Variants in MYH14 observed in about 807,000 individuals in gnomAD.
The protein encoded by MYH14 is myosin heavy chain 14.
MYH14 carries 123 observed loss-of-function variants against 255.5 expected under a neutral mutation model. The ratio of observed to expected loss-of-function variants is 0.48; its 90% CI spans 0.42 to 0.56. The LOEUF is 0.56. MYH14 is among the 20% of genes least tolerant of loss of function. The probability of loss-of-function intolerance (pLI) is 0.00; values close to 1 mark genes in which losing one functional copy is unlikely to be tolerated. For synonymous variants in MYH14, 1,095 were observed against 1,161.2 expected (o/e 0.94, Z 1.16); for missense variants, 2,423 against 2,802.3 (o/e 0.86, Z 3.06).
rs2036797076 is a variant in MYH14 at position 50,309,809 on chromosome 19, T to A, written c.*19T>A. 7.0e-7 allele frequency: 1 copy of A among 1,419,370 alleles called. No homozygotes were observed. The highest frequency in any genetic ancestry group is 9.5e-7 in the Non-Finnish European group (1 of 1,058,102). The allele number at this position is 1,419,370 out of a possible 1,614,324, so 87.9% of individuals were successfully genotyped here. A position where few individuals can be genotyped will look rare whatever the true frequency, so the allele number is the denominator to read the frequency against. On this transcript the variant is annotated 3_prime_UTR_variant, in exon 43 of 43. Transcript: ENST00000642316. ...CCAGTGACCCTACCCTGTCCCCAGA[T>A]GCACTAACAGATGGGGCCCAGCCCC...
intron 2 of MYH14, among the ~76,000 whole-genome samples, chr19:50,213,019 C>G (rs949364870): frequency 4.6e-5 from 7 of 152,214 alleles, no homozygotes; most frequent in African/African-American, 1.4e-4. Flanking sequence ...GCAGCATGAT[C>G]TTGGCTTACT....
intron 40 of MYH14, among the ~76,000 whole-genome samples, chr19:50,303,476 C>G (rs997794942): frequency 2.0e-5 from 3 of 152,176 alleles, no homozygotes; most frequent in Admixed American, 1.3e-4. Flanking sequence ...TGTGTCACTT[C>G]TGCCATATCC....
intron 11 of MYH14, 124 bp downstream of exon 11, chr19:50,244,461 A>G: frequency 1.4e-6 from 1 of 690,038 alleles, no homozygotes; most frequent in Non-Finnish European, 2.5e-6. Flanking sequence ...CCAACCCAGG[A>G]TCACTCTGAT....
Position 50,293,542 on chromosome 19 carries a change from C to G in MYH14, c.5346-22C>G. On this transcript the variant is annotated intron_variant, in intron 38 of 42. Transcript: ENST00000642316. The surrounding 1 kb of genome is among the most constrained non-coding windows in gnomAD (Gnocchi z 4.1). The stretch of plus-strand genomic sequence containing the variant: ...CTCTGACCATCCTGTCCTTTCATCC[C>G]CACGCCTTCCTGTCTCCCTAGGGCA... The G allele has an allele frequency of 6.2e-7, 1 of 1,611,772 alleles. No individual in the cohort carries two copies. Among genetic ancestry groups the G allele is most frequent in the Non-Finnish European group, 8.5e-7 (1 of 1,179,124 alleles).
intron 1 of MYH14, among the ~76,000 whole-genome samples, chr19:50,207,172 T>C (rs2123139783): frequency 6.7e-6 from 1 of 149,502 alleles, no homozygotes; most frequent in Admixed American, 6.7e-5. Flanking sequence ...TGCAGTGAGC[T>C]GTGATTGTGC....
At chr19:50,216,974 A>AT (rs35911084) in intron 2 of MYH14, among the ~76,000 whole-genome samples, 75,699 of 150,830 alleles carry the variant, frequency 0.5, 21,755 homozygotes, top group Non-Finnish European at 0.64. Flanking sequence ...CACCTGGCTA[A>AT]TTTTTTTTGT....
In MYH14 at chr19:50,280,946, C is replaced by A. The variant is rs1249261376; in HGVS notation, c.4290+563C>A. 6.6e-6 allele frequency among the ~76,000 whole-genome samples: 1 copy of A among 152,148 alleles called. No individual in the cohort carries two copies. The highest frequency in any genetic ancestry group is 1.5e-5 in the Non-Finnish European group (1 of 68,038). On this transcript the variant is annotated intron_variant, in intron 32 of 42. Coordinates refer to ENST00000642316, the MANE Select transcript of MYH14 (RefSeq NM_001145809.2). The surrounding 1 kb of genome is among the most constrained non-coding windows in gnomAD (Gnocchi z 4.8). Reference sequence around the variant, plus strand: ...CTCCCCTGTGGGAAGTTTCCTGACCCGTCTTCTCTTTCTCCTCTGTCCCAA... The same window carrying A: ...CTCCCCTGTGGGAAGTTTCCTGACCAGTCTTCTCTTTCTCCTCTGTCCCAA...
At position 50,250,840 on chromosome 19, in the gene MYH14, G is replaced by A. The variant is rs2034344354; in HGVS notation, c.1830+152G>A. ...GCTAGGAGAGCCCAGGGAGGAGCAA[G>A]GATTCTGTCTGATGGGATCACCAAA... On this transcript the variant is annotated intron_variant, in intron 15 of 42. Coordinates refer to ENST00000642316, the MANE Select transcript of MYH14 (RefSeq NM_001145809.2). This position sits in a 1 kb window ranked among gnomAD's most constrained non-coding sequence, Gnocchi z 5.4. Among the ~76,000 whole-genome samples, 1 of 152,184 alleles carries A rather than the reference G, an allele frequency of 6.6e-6. No individual in the cohort carries two copies. Among genetic ancestry groups the A allele is most frequent in the South Asian group, 2.1e-4 (1 of 4,830 alleles).
At chr19:50,251,524 AC>A (rs1434363283) in intron 15 of MYH14, among the ~76,000 whole-genome samples, 1 of 17,874 alleles carries the variant, frequency 5.6e-5, no homozygotes, top group Non-Finnish European at 1.4e-4. Flanking sequence ...TACACACTAC[AC>A]ACACACACAC....
intron 24 of MYH14, among the ~76,000 whole-genome samples, 175 bp downstream of exon 24, chr19:50,268,542 T>A (rs2035179718): frequency 6.6e-6 from 1 of 152,254 alleles, no homozygotes; most frequent in Non-Finnish European, 1.5e-5. Context: ...CCTTAAAATG[T>A]GTGAGCTTCA....
chr19:50,257,486 G>T lies in MYH14; in HGVS notation c.2232G>T (p.Arg744Ser). Residue 744 changes from arginine (R) to serine (S), a missense_variant and splice_region_variant, in exon 18 of 43, where the codon AGG becomes AGT. Coordinates refer to ENST00000642316, the MANE Select transcript of MYH14 (RefSeq NM_001145809.2). ...GCATTGTCCCCAACCACGAGAAGAG[G>T]GTGAGTGACTCAGCCTGGGGAGGAA... ...VRCIVPNHEK[R>S]AGKLEPRLVL... The T allele has an allele frequency of 6.3e-7, 1 of 1,598,458 alleles. No homozygotes were observed. The highest frequency in any genetic ancestry group is 8.5e-7 in the Non-Finnish European group (1 of 1,172,138).
At position 50,230,711 on chromosome 19, in the gene MYH14, T is replaced by C. The variant is rs953741096; in HGVS notation, c.973+88T>C. 3 of 1,101,306 alleles carry C rather than the reference T, an allele frequency of 2.7e-6. No homozygotes were observed. The highest frequency in any genetic ancestry group is 4.0e-6 in the Non-Finnish European group (3 of 755,612). 68.2% of individuals were successfully genotyped at this position (1,101,306 alleles called of 1,614,324 possible). On this transcript the variant is annotated intron_variant, in intron 9 of 42. Transcript: ENST00000642316. This position sits in a 1 kb window ranked among gnomAD's most constrained non-coding sequence, Gnocchi z 4.7. The stretch of plus-strand genomic sequence containing the variant: ...GCCCCTTCTGGGGAGGAAGCAAGAG[T>C]GGGGGGCTCTAATATCCGTCAAACA...
intron 29 of MYH14, among the ~76,000 whole-genome samples, chr19:50,277,225 T>C (rs1375826020): frequency 6.6e-6 from 1 of 152,056 alleles, no homozygotes; most frequent in Admixed American, 6.6e-5. Flanking sequence ...GGGGCCATAA[T>C]GAACAGGAAA....
chr19:50,239,298 C>T (rs1042941174), intron 10 of MYH14, among the ~76,000 whole-genome samples: 1 of 152,200 alleles, frequency 6.6e-6, no homozygotes, highest in Non-Finnish European at 1.5e-5. Flanking sequence ...CGATTACAGG[C>T]GTGAGCCACC....
In MYH14 at chr19:50,247,020, C is replaced by T. The variant is rs1461233794; in HGVS notation, c.1227C>T (p.Cys409=). The change falls in exon 12 of 43, where the codon TGC becomes TGT. Residue 409 remains cysteine, a synonymous_variant. Coordinates refer to ENST00000642316, the MANE Select transcript of MYH14 (RefSeq NM_001145809.2). ...CGCCCTCAGCTGCACAGAAGCTCTGCCGCCTCTTGGGACTGGGGGTGACGG... is the reference window on the plus strand; with the variant it reads ...CGCCCTCAGCTGCACAGAAGCTCTGTCGCCTCTTGGGACTGGGGGTGACGG... The part of the protein sequence containing the change: ...MPDNTAAQKL[C]RLLGLGVTDF... 1.9e-6 allele frequency: 3 copies of T among 1,611,784 alleles called. No individual in the cohort carries two copies. The Admixed American group carries it at 5.0e-5, about 27-fold the overall frequency.
At position 50,252,330 on chromosome 19, in the gene MYH14, C is replaced by T. The variant is rs1027191781; in HGVS notation, c.1831-309C>T. Among the ~76,000 whole-genome samples the T allele has an allele frequency of 3.3e-5, 5 of 152,062 alleles. No individual in the cohort carries two copies. Among genetic ancestry groups the T allele is most frequent in the South Asian group, 2.1e-4 (1 of 4,812 alleles). Reference sequence around the variant, plus strand: ...GGCAGGAACCGCAGGGGTAAAACCCCGAGGTGGGAGTAAGCTCGCATGTTT... The same window carrying T: ...GGCAGGAACCGCAGGGGTAAAACCCTGAGGTGGGAGTAAGCTCGCATGTTT... On this transcript the variant is annotated intron_variant, in intron 15 of 42. Transcript: ENST00000642316. The surrounding 1 kb of genome is among the most constrained non-coding windows in gnomAD (Gnocchi z 4.2).
At chr19:50,245,804 C>T (rs1307346072) in intron 11 of MYH14, among the ~76,000 whole-genome samples, 1 of 152,180 alleles carries the variant, frequency 6.6e-6, no homozygotes, top group South Asian at 2.1e-4. Context: ...CGTGCACACA[C>T]ATTTACTCAT....
chr19:50,304,659 AGTATGTCTAATTACCTCCATG>A (rs2036599044), intron 40 of MYH14, among the ~76,000 whole-genome samples: 1 of 152,156 alleles, frequency 6.6e-6, no homozygotes, highest in Admixed American at 6.5e-5. Flanking sequence ...GTACCATGGA[AGTATGTCTAATTACCTCCATG>A]GTATGTCTAA....
At chr19:50,309,495 G>T in intron 42 of MYH14, 145 bp from the exon 43 acceptor site, 1 of 648,440 alleles carries the variant, frequency 1.5e-6, no homozygotes, top group Admixed American at 2.5e-5. Flanking sequence ...CATTTCTCTT[G>T]ATCTCATCCC....
Sources: gnomAD v4.1 joint callset for allele counts (sites outside exome capture counted in the v4.1 genomes callset) on GRCh38, gnomAD v4.1.1 for gene constraint, Gnocchi (gnomAD v3.1) non-coding constraint, MANE v1.5 for transcripts, NCBI Gene and HGNC (gene_info 2026-07-23, HGNC 2026-07-21) for gene names.